PARP3: variants seen among roughly 807,000 people sequenced by gnomAD.
PARP3 encodes protein mono-ADP-ribosyltransferase PARP3.
In PARP3, 46 loss-of-function variants were observed where a neutral mutation model predicts 58.2. That is an observed-to-expected ratio of 0.79 (90% CI 0.62 to 1.01). The LOEUF is 1.01. PARP3 is among the 50% of genes least tolerant of loss of function. PARP3 has a pLI of 0.00. For missense variants in PARP3, 663 were observed against 683.9 expected, an observed-to-expected ratio of 0.97 and a Z score of 0.34; for synonymous variants, 252 against 266.4, an observed-to-expected ratio of 0.95 and a Z score of 0.53.
At chr3:51,942,997 T>C in intron 1 of PARP3, 1 of 1,399,884 alleles carries the variant, frequency 7.1e-7, no homozygotes, top group Non-Finnish European at 9.3e-7. Flanking sequence ...AGCCCCGAAG[T>C]GGAAGAGAGA....
Position 51,946,058 on chromosome 3 carries a change from T to C in PARP3, c.1099-108T>C. On this transcript the variant is annotated intron_variant, in intron 8 of 10. Transcript: ENST00000398755. The surrounding 1 kb of genome is among the most constrained non-coding windows in gnomAD (Gnocchi z 4.6). The stretch of plus-strand genomic sequence containing the variant: ...CTGGTCAGTTTCTGCCGGCCATGAG[T>C]GCGCGTGAGTAAGCAGAGGGACACT... 7 of 1,340,554 alleles carry C rather than the reference T, an allele frequency of 5.2e-6. No homozygotes were observed. The highest frequency in any genetic ancestry group is 7.4e-6 in the Non-Finnish European group (7 of 945,904). The allele number at this position is 1,340,554 out of a possible 1,614,324, so 83.0% of individuals were successfully genotyped here.
At chr3:51,945,743 C>T (rs1008315951) in intron 7 of PARP3, 99 bp downstream of exon 7, 5 of 1,531,666 alleles carry the variant, frequency 3.3e-6, no homozygotes, top group Non-Finnish European at 4.5e-6. Flanking sequence ...CCTCAGCCTT[C>T]TCTTCCTGTG....
Position 51,944,692 on chromosome 3 carries a change from T to G in PARP3, c.502-86T>G. 1.9e-6 allele frequency: 3 copies of G among 1,571,480 alleles called. No individual in the cohort carries two copies. ...AGCTGCGCAGCCTCAGCCACAGAAC[T>G]CCCCTCTGGCCTCAGGCTGGCTGGT... On this transcript the variant is annotated intron_variant, in intron 4 of 10. Coordinates refer to ENST00000398755, the MANE Select transcript of PARP3 (RefSeq NM_001003931.4). The surrounding 1 kb of genome is among the most constrained non-coding windows in gnomAD (Gnocchi z 4.2).
At chr3:51,945,798 G>A (rs1699663091) in intron 7 of PARP3, 55 bp from the exon 8 acceptor site, 2 of 1,551,674 alleles carry the variant, frequency 1.3e-6, no homozygotes, top group Non-Finnish European at 1.8e-6. Context: ...AAGAAAAATG[G>A]GGGATTAGCT....
rs1413625317 is a variant in PARP3, at chr3:51,943,517, C to T, written c.162C>T (p.Leu54=). The T allele has an allele frequency of 5.5e-5, 88 of 1,610,374 alleles. No individual in the cohort carries two copies. The highest frequency in any genetic ancestry group is 6.9e-5 in the Non-Finnish European group (81 of 1,178,842). The change falls in exon 2 of 11, where the codon CTC becomes CTT. Residue 54 remains leucine, a synonymous_variant. Transcript: ENST00000398755. ...TCCGCGTGGATCCAACATGTCCACTCAGCAGCAACCCCGGGACCCAGGTGA... is the reference window on the plus strand; with the variant it reads ...TCCGCGTGGATCCAACATGTCCACTTAGCAGCAACCCCGGGACCCAGGTGA... ...RIIRVDPTCP[L]SSNPGTQVYE...
At chr3:51,945,685 A>G (rs1356791242) in intron 7 of PARP3, 41 bp downstream of exon 7, 2 of 1,605,550 alleles carry the variant, frequency 1.2e-6, no homozygotes, top group Non-Finnish European at 1.7e-6. Context: ...ATCAGTGGGC[A>G]CTGTCCCTCT....
chr3:51,942,835 G>A (rs759249711), intron 1 of PARP3, 127 bp downstream of exon 1: 1 of 1,470,084 alleles, frequency 6.8e-7, no homozygotes, highest in Non-Finnish European at 9.0e-7. Flanking sequence ...AGTCCATTGG[G>A]AAGGGCTTCT....
chr3:51,945,283 G>A, intron 6 of PARP3, 59 bp downstream of exon 6: 2 of 1,541,486 alleles, frequency 1.3e-6, no homozygotes, highest in Non-Finnish European at 1.8e-6. Flanking sequence ...GCCTAGGCGA[G>A]CGAGATGAAG....
chr3:51,944,419 C>T lies in PARP3; in HGVS notation c.342C>T (p.His114=). 1 of 1,613,972 alleles carries T rather than the reference C, an allele frequency of 6.2e-7. No homozygotes were observed. The highest frequency in any genetic ancestry group is 8.5e-7 in the Non-Finnish European group (1 of 1,180,026). ...AGGTCGGCCAGTCAAAGATCAACCA[C>T]TTCACAAGGCTAGAAGATGCAAAGA... is the stretch of plus-strand genomic sequence containing the variant. ...VGEVGQSKIN[H]FTRLEDAKKD... The change falls in exon 4 of 11, where the codon CAC becomes CAT. Residue 114 remains histidine, a synonymous_variant. Transcript: ENST00000398755. This position sits in a 1 kb window ranked among gnomAD's most constrained non-coding sequence, Gnocchi z 4.2.
chr3:51,943,003 A>G, intron 1 of PARP3: 16 of 1,400,318 alleles, frequency 1.1e-5, no homozygotes, highest in Non-Finnish European at 1.5e-5. Flanking sequence ...GAAGTGGAAG[A>G]GAGAGAGCCT....
rs375800529 is a variant in PARP3 at position 51,944,043 on chromosome 3, C to G, written c.184-46C>G. The G allele has an allele frequency of 1.8e-5, 29 of 1,590,938 alleles. No homozygotes were observed. Among genetic ancestry groups the G allele is most frequent in the Admixed American group, 5.1e-5 (3 of 58,598 alleles). On this transcript the variant is annotated intron_variant, in intron 2 of 10. Coordinates refer to ENST00000398755, the MANE Select transcript of PARP3 (RefSeq NM_001003931.4). The surrounding 1 kb of genome is among the most constrained non-coding windows in gnomAD (Gnocchi z 4.2). ...CCCTCTCGGTGTACGGCCAGGCACCCCATCTGACCCCAGCCAGCCTGCCCC... is the reference window on the plus strand; with the variant it reads ...CCCTCTCGGTGTACGGCCAGGCACCGCATCTGACCCCAGCCAGCCTGCCCC...
At chr3:51,947,068 A>G (rs1699695799) in intron 9 of PARP3, among the ~76,000 whole-genome samples, 1 of 152,192 alleles carries the variant, frequency 6.6e-6, no homozygotes, top group South Asian at 2.1e-4. Flanking sequence ...GCCTGGCCCA[A>G]GGGCTGGGAA....
intron 1 of PARP3, chr3:51,943,112 C>T: frequency 8.6e-7 from 1 of 1,159,576 alleles, no homozygotes; most frequent in Non-Finnish European, 1.2e-6. Flanking sequence ...TGGACAGAGT[C>T]CTAACCTTGC....
chr3:51,942,719 T>C lies in PARP3; in HGVS notation c.-3+11T>C. 6.4e-7 allele frequency: 1 copy of C among 1,556,868 alleles called. No individual in the cohort carries two copies. The highest frequency in any genetic ancestry group is 2.4e-5 in the East Asian group (1 of 41,526). On this transcript the variant is annotated intron_variant, in intron 1 of 10. Transcript: ENST00000398755. Reference sequence around the variant, plus strand: ...CCCTGCTTTTCTTGGGTGAGTGTCCTATGGTCCTGCCCACGGCAGGGCAGG... The same window carrying C: ...CCCTGCTTTTCTTGGGTGAGTGTCCCATGGTCCTGCCCACGGCAGGGCAGG...
At position 51,948,540 on chromosome 3, in the gene PARP3, C is replaced by A; in HGVS notation, c.*60C>A. Reference sequence around the variant, plus strand: ...GGACTGTGATCTTCAATCATCCTGCCCATCTCTGGTACCCCTATATCACTC... The same window carrying A: ...GGACTGTGATCTTCAATCATCCTGCACATCTCTGGTACCCCTATATCACTC... On this transcript the variant is annotated 3_prime_UTR_variant, in exon 11 of 11. Transcript: ENST00000398755. The A allele has an allele frequency of 6.8e-7, 1 of 1,471,106 alleles. No homozygotes were observed. Among genetic ancestry groups the A allele is most frequent in the Non-Finnish European group, 9.5e-7 (1 of 1,056,718 alleles). The allele number at this position is 1,471,106 out of a possible 1,614,324, so 91.1% of individuals were successfully genotyped here.
At position 51,946,213 on chromosome 3, in the gene PARP3, G is replaced by A; in HGVS notation, c.1146G>A (p.Leu382=). 1.9e-6 allele frequency: 3 copies of A among 1,612,966 alleles called. No individual in the cohort carries two copies. Among genetic ancestry groups the A allele is most frequent in the Non-Finnish European group, 1.7e-6 (2 of 1,179,292 alleles). ...AHSKLGNRKL[L]WHGTNMAVVA... ...CCAAACTGGGTAATCGGAAGCTGCT[G>A]TGGCATGGCACCAACATGGCCGTGG... is the stretch of plus-strand genomic sequence containing the variant. The change falls in exon 9 of 11, where the codon CTG becomes CTA. Residue 382 remains leucine, a synonymous_variant. Transcript: ENST00000398755. The surrounding 1 kb of genome is among the most constrained non-coding windows in gnomAD (Gnocchi z 4.6).
rs1046550278 is a variant in PARP3 at position 51,944,930 on chromosome 3, C to T, written c.634+20C>T. The T allele has an allele frequency of 1.2e-5, 19 of 1,613,228 alleles. No homozygotes were observed. Among genetic ancestry groups the T allele is most frequent in the East Asian group, 2.2e-5 (1 of 44,884 alleles). ...ACCTGGGTGAGGGGTGAGAGGCAGG[C>T]AGGGTGGCAGGGGCCTCAGGGTGGC... On this transcript the variant is annotated intron_variant, in intron 5 of 10. Transcript: ENST00000398755. This position sits in a 1 kb window ranked among gnomAD's most constrained non-coding sequence, Gnocchi z 4.2.
intron 8 of PARP3, 28 bp downstream of exon 8, chr3:51,945,967 C>A: frequency 2.5e-6 from 4 of 1,572,142 alleles, no homozygotes; most frequent in Non-Finnish European, 3.5e-6. Flanking sequence ...ACCTCTCCCC[C>A]ATCACCACTG....
At chr3:51,945,781 C>A in intron 7 of PARP3, 72 bp from the exon 8 acceptor site, 1 of 1,532,352 alleles carries the variant, frequency 6.5e-7, no homozygotes, top group Non-Finnish European at 9.0e-7. Flanking sequence ...GGGCTTGGGA[C>A]TGGGGGAAGA....
Sources: gnomAD v4.1 joint callset for allele counts (sites outside exome capture counted in the v4.1 genomes callset) on GRCh38, gnomAD v4.1.1 for gene constraint, Gnocchi (gnomAD v3.1) non-coding constraint, MANE v1.5 for transcripts, NCBI Gene and HGNC (gene_info 2026-07-23, HGNC 2026-07-21) for gene names.